SV2C: variants seen among roughly 807,000 people sequenced by gnomAD.
SV2C encodes the protein synaptic vesicle glycoprotein 2C.
Under a neutral mutation model 79.7 loss-of-function variants are expected in SV2C, and 49 were observed. The observed-to-expected ratio is 0.61, with a 90% CI of 0.49 to 0.78. The LOEUF (loss-of-function observed/expected upper bound fraction) is 0.78, where lower values mean the gene tolerates loss of function less well. Among genes scored for constraint, SV2C ranks in the 30% least tolerant of loss-of-function variants. SV2C has a pLI of 0.00. For missense variants in SV2C, 833 were observed against 912.9 expected (o/e 0.91, Z 1.13); for synonymous variants, 334 against 333.2 (o/e 1.00, Z -0.03).
the SV2C span, among the ~76,000 whole-genome samples, chr5:76,025,380 T>TTTTA: frequency 1.3e-5 from 2 of 152,222 alleles, no homozygotes; most frequent in African/African-American, 4.8e-5. Context: ...AGGAGACTAA[T>TTTTA]ATGTTCAGAT....
At chr5:76,308,547 A>G (rs889034607) in intron 12 of SV2C, among the ~76,000 whole-genome samples, 1 of 152,076 alleles carries the variant, frequency 6.6e-6, no homozygotes, top group African/African-American at 2.4e-5. Context: ...TTATTATCTA[A>G]AAGTTTTCTA....
At chr5:76,174,064 A>G (rs116002807) in intron 2 of SV2C, 46,785 of 1,577,094 alleles carry the variant, frequency 0.03, 818 homozygotes, top group Middle Eastern at 0.04. Flanking sequence ...CTTGCTCTCT[A>G]TAAGAATCTT....
chr5:76,310,075 C>T (rs1748376725), intron 12 of SV2C, among the ~76,000 whole-genome samples: 1 of 151,810 alleles, frequency 6.6e-6, no homozygotes, highest in South Asian at 2.1e-4. Flanking sequence ...TTATGGAATG[C>T]ATATCCTGTG....
At chr5:75,968,449 G>C in the SV2C span, among the ~76,000 whole-genome samples, 443 of 152,168 alleles carry the variant, frequency 2.9e-3, 1 homozygote, top group African/African-American at 0.01. Flanking sequence ...ATGAATGGAC[G>C]ACTAGAAAAA....
intron 4 of SV2C, among the ~76,000 whole-genome samples, chr5:76,218,715 T>C (rs1292794547): frequency 2.8e-5 from 2 of 71,346 alleles, no homozygotes; most frequent in African/African-American, 1.1e-4. Context: ...TGTATAACTA[T>C]ATAACAAACC....
chr5:76,158,672 A>G (rs757963691), intron 2 of SV2C, among the ~76,000 whole-genome samples: 3 of 152,052 alleles, frequency 2.0e-5, no homozygotes, highest in Non-Finnish European at 2.9e-5. Context: ...AATAGAAGGC[A>G]TGAACAACAC....
At chr5:76,273,263 C>G (rs968629642) in intron 4 of SV2C, among the ~76,000 whole-genome samples, 3 of 151,212 alleles carry the variant, frequency 2.0e-5, no homozygotes, top group African/African-American at 7.3e-5. Flanking sequence ...AAGAAAATCC[C>G]AAAGGACCTT....
chr5:76,114,784 A>G (rs565635235), intron 1 of SV2C, among the ~76,000 whole-genome samples: 1 of 152,376 alleles, frequency 6.6e-6, no homozygotes, highest in Admixed American at 6.5e-5. Context: ...CGGCTAGGGA[A>G]AGGCATGACC....
At chr5:75,883,712 A>C in the SV2C span, among the ~76,000 whole-genome samples, 1 of 148,106 alleles carries the variant, frequency 6.8e-6, no homozygotes, top group African/African-American at 2.5e-5. Flanking sequence ...GGGGAGGGAT[A>C]GCATTGGGAG....
chr5:75,952,023 A>G, the SV2C span, among the ~76,000 whole-genome samples: 18 of 152,124 alleles, frequency 1.2e-4, no homozygotes, highest in Non-Finnish European at 2.9e-5. Flanking sequence ...AGTAGTAAAA[A>G]TAAAGAATGA....
chr5:75,856,179 C>A, the SV2C span, among the ~76,000 whole-genome samples: 2 of 152,116 alleles, frequency 1.3e-5, no homozygotes, highest in African/African-American at 4.8e-5. Context: ...TCACATTTTC[C>A]TTATCCTTTC....
chr5:76,043,442 T>C, the SV2C span, among the ~76,000 whole-genome samples: 3 of 152,230 alleles, frequency 2.0e-5, no homozygotes, highest in Non-Finnish European at 4.4e-5. Flanking sequence ...AAGTCACTCA[T>C]AGCTAGTAAC....
At chr5:76,163,378 AT>A (rs1402048303) in intron 2 of SV2C, among the ~76,000 whole-genome samples, 2 of 152,258 alleles carry the variant, frequency 1.3e-5, no homozygotes, top group African/African-American at 4.8e-5. Context: ...GAACAAATGA[AT>A]GTGTACATGG....
At chr5:76,173,904 G>A (rs1206867636) in intron 2 of SV2C, 3 of 1,593,264 alleles carry the variant, frequency 1.9e-6, no homozygotes, top group African/African-American at 1.3e-5. Flanking sequence ...CTCAGGTCTT[G>A]TAAATCGTTA....
chr5:76,063,847 T>C, the SV2C span, among the ~76,000 whole-genome samples: 1 of 152,176 alleles, frequency 6.6e-6, no homozygotes, highest in Non-Finnish European at 1.5e-5. Flanking sequence ...ACTTATTTGT[T>C]TTTTACTGAG....
Position 76,247,110 on chromosome 5 carries a change from T to C in SV2C, c.913+37223T>C, listed in dbSNP as rs114884574. On this transcript the variant is annotated intron_variant, in intron 4 of 12. Transcript: ENST00000502798. Reference sequence around the variant, plus strand: ...TAAAGATTAGAAACTCAAAATCTTTTAGCCCCAGAGTGTCCTAGTTCCCTA... The same window carrying C: ...TAAAGATTAGAAACTCAAAATCTTTCAGCCCCAGAGTGTCCTAGTTCCCTA... Among the ~76,000 whole-genome samples the C allele has an allele frequency of 2.9e-3, 445 of 152,342 alleles. 4 individuals are homozygous for C. The highest frequency in any genetic ancestry group is 0.01 in the African/African-American group (417 of 41,574).
At chr5:75,850,988 T>C in the SV2C span, among the ~76,000 whole-genome samples, 4 of 152,144 alleles carry the variant, frequency 2.6e-5, no homozygotes, top group African/African-American at 4.8e-5. Flanking sequence ...ACTCATAGCT[T>C]ATCTGCTTTC....
At chr5:75,890,146 A>G in the SV2C span, among the ~76,000 whole-genome samples, 2 of 152,136 alleles carry the variant, frequency 1.3e-5, no homozygotes, top group African/African-American at 4.8e-5. Context: ...TTCATAATGA[A>G]TGCTAAAATT....
the SV2C span, among the ~76,000 whole-genome samples, chr5:75,871,582 G>T: frequency 1.3e-5 from 2 of 152,002 alleles, no homozygotes; most frequent in African/African-American, 2.4e-5. Context: ...GGCCAAGGCC[G>T]GTGGGTCACA....
Sources: gnomAD v4.1 joint callset for allele counts (sites outside exome capture counted in the v4.1 genomes callset) on GRCh38, gnomAD v4.1.1 for gene constraint, MANE v1.5 for transcripts, NCBI Gene and HGNC (gene_info 2026-07-23, HGNC 2026-07-21) for gene names.